The following LRP1B variants were observed in gnomAD, a reference collection of about 807,000 sequenced individuals.
The protein encoded by LRP1B is low-density lipoprotein receptor-related protein 1B.
In LRP1B, 217 loss-of-function variants were observed where a neutral mutation model predicts 556.6. That is an observed-to-expected ratio of 0.39 (90% CI 0.35 to 0.44). LRP1B has a LOEUF of 0.44. LRP1B is among the 20% of genes least tolerant of loss of function. The pLI, the probability that LRP1B is intolerant of heterozygous loss-of-function variation, is 1.00. For synonymous variants in LRP1B, 2,047 were observed against 1,865.8 expected (o/e 1.10, Z -2.50); for missense variants, 5,053 against 5,620.8 (o/e 0.90, Z 3.23).
chr2:140,523,866 A>T (rs1690297360), intron 49 of LRP1B, among the ~76,000 whole-genome samples: 1 of 151,970 alleles, frequency 6.6e-6, no homozygotes, highest in Non-Finnish European at 1.5e-5. Context: ...AACTATAAAA[A>T]TACTGCAAGA....
chr2:140,247,246 G>T, intron 86 of LRP1B, 84 bp from the exon 87 acceptor site: 1 of 898,230 alleles, frequency 1.1e-6, no homozygotes, highest in East Asian at 2.6e-5. Context: ...TTAACCAAAT[G>T]AAAGGTTACA....
intron 7 of LRP1B, among the ~76,000 whole-genome samples, chr2:141,128,726 T>C (rs1701277047): frequency 6.6e-6 from 1 of 152,212 alleles, no homozygotes; most frequent in South Asian, 2.1e-4. Flanking sequence ...GTTCAAGCAG[T>C]TCTCCTACCT....
intron 7 of LRP1B, among the ~76,000 whole-genome samples, chr2:141,174,729 C>T (rs921276071): frequency 6.6e-6 from 1 of 151,968 alleles, no homozygotes; most frequent in Non-Finnish European, 1.5e-5. Context: ...AGGGGCACTG[C>T]TACAAAGATA....
rs771028659 is a variant in LRP1B, at chr2:142,130,659, C to A, written c.71G>T (p.Gly24Val). Reference sequence around the variant, plus strand: ...GGTGTTCTCCTTACCTCGGTCGGCTCCCACGGTCAGCACCCTGGCAATCGG... The same window carrying A: ...GGTGTTCTCCTTACCTCGGTCGGCTACCACGGTCAGCACCCTGGCAATCGG... ...LLPIARVLTVGADRDQQLCDP... is the reference protein window; with the variant it reads ...LLPIARVLTVVADRDQQLCDP... Residue 24 changes from glycine (G) to valine (V), a missense_variant, in exon 1 of 91, where the codon GGA (glycine) becomes GTA (valine). Gly to Val is a moderately radical substitution (Grantham distance 109). Transcript: ENST00000389484. 2 of 1,612,038 alleles carry A rather than the reference C, an allele frequency of 1.2e-6. No homozygotes were observed. The highest frequency in any genetic ancestry group is 2.7e-5 in the African/African-American group (2 of 74,866).
intron 2 of LRP1B, among the ~76,000 whole-genome samples, chr2:141,677,914 T>C (rs1272623566): frequency 3.3e-5 from 5 of 152,268 alleles, no homozygotes; most frequent in African/African-American, 1.2e-4. Flanking sequence ...CAGAGAGGTA[T>C]ATATGAATGC....
intron 2 of LRP1B, among the ~76,000 whole-genome samples, chr2:141,692,589 G>A (rs923169979): frequency 2.0e-5 from 3 of 151,948 alleles, no homozygotes; most frequent in South Asian, 2.1e-4. Flanking sequence ...TTAACCTACC[G>A]CAGTAGTTTT....
intron 1 of LRP1B, among the ~76,000 whole-genome samples, chr2:142,002,423 T>C (rs1702681850): frequency 6.6e-6 from 1 of 152,022 alleles, no homozygotes; most frequent in Non-Finnish European, 1.5e-5. Context: ...GACACATCTC[T>C]AAACTAATGA....
At chr2:141,337,030 G>A (rs146946872) in intron 3 of LRP1B, among the ~76,000 whole-genome samples, 1,778 of 152,136 alleles carry the variant, frequency 0.012, 23 homozygotes, top group Middle Eastern at 0.02. Flanking sequence ...GTAAACAAAA[G>A]TTTTATTTTT....
intron 55 of LRP1B, among the ~76,000 whole-genome samples, chr2:140,496,791 G>T (rs1419853017): frequency 6.6e-6 from 1 of 151,986 alleles, no homozygotes; most frequent in Non-Finnish European, 1.5e-5. Flanking sequence ...AAAGGAAATT[G>T]TAAGTATTGA....
At chr2:141,286,084 AAAAAT>A (rs1198128830) in intron 3 of LRP1B, among the ~76,000 whole-genome samples, 1 of 151,402 alleles carries the variant, frequency 6.6e-6, no homozygotes, top group African/African-American at 2.4e-5. Context: ...AAAAAAAAAA[AAAAAT>A]GTTCAATACC....
At chr2:140,940,785 C>T (rs1468231765) in intron 20 of LRP1B, among the ~76,000 whole-genome samples, 2 of 152,102 alleles carry the variant, frequency 1.3e-5, no homozygotes, top group African/African-American at 4.8e-5. Flanking sequence ...GGTATATACT[C>T]AGTATTGGGA....
At chr2:141,044,215 G>A (rs4589694) in intron 11 of LRP1B, among the ~76,000 whole-genome samples, 12,536 of 149,242 alleles carry the variant, frequency 0.084, 653 homozygotes, top group African/African-American at 0.12. Context: ...CTGGCTAGCC[G>A]TATGTAGAAA....
At chr2:141,134,443 A>G (rs1329407667) in intron 7 of LRP1B, among the ~76,000 whole-genome samples, 1 of 151,702 alleles carries the variant, frequency 6.6e-6, no homozygotes, top group African/African-American at 2.4e-5. Context: ...CTTTTCTCTC[A>G]TTTCTGTGCA....
At chr2:141,968,145 G>A (rs1701614165) in intron 1 of LRP1B, among the ~76,000 whole-genome samples, 1 of 151,766 alleles carries the variant, frequency 6.6e-6, no homozygotes, top group South Asian at 2.1e-4. Flanking sequence ...TGCTAAATGT[G>A]CAGCATTACT....
At chr2:140,466,745 G>GA (rs1273458236) in intron 60 of LRP1B, among the ~76,000 whole-genome samples, 1 of 151,956 alleles carries the variant, frequency 6.6e-6, no homozygotes, top group Non-Finnish European at 1.5e-5. Context: ...AGAGTATCCT[G>GA]AAAAAAACAA....
intron 86 of LRP1B, among the ~76,000 whole-genome samples, chr2:140,261,535 AAC>A (rs1485475835): frequency 6.6e-6 from 1 of 151,812 alleles, no homozygotes; most frequent in Non-Finnish European, 1.5e-5. Context: ...TGAACAAATA[AAC>A]ACACCTAATT....
chr2:141,334,947 C>A (rs1687791463), intron 3 of LRP1B, among the ~76,000 whole-genome samples: 1 of 152,184 alleles, frequency 6.6e-6, no homozygotes, highest in Non-Finnish European at 1.5e-5. Flanking sequence ...AAATTTATAT[C>A]TCCATGAGAG....
intron 37 of LRP1B, 131 bp downstream of exon 37, chr2:140,715,842 T>G (rs1192169964): frequency 3.7e-6 from 2 of 534,824 alleles, no homozygotes; most frequent in African/African-American, 2.8e-5. Context: ...AATATAAACA[T>G]TTTTTTCTGC....
At chr2:141,142,782 A>G (rs1701686313) in intron 7 of LRP1B, among the ~76,000 whole-genome samples, 1 of 151,652 alleles carries the variant, frequency 6.6e-6, no homozygotes, top group Non-Finnish European at 1.5e-5. Context: ...TTACTTATAA[A>G]TAAACTGTTG....
Sources: allele counts gnomAD v4.1 joint callset (sites outside exome capture counted in the v4.1 genomes callset), GRCh38; gene constraint gnomAD v4.1.1; transcripts MANE v1.5; gene names NCBI Gene and HGNC (gene_info 2026-07-23, HGNC 2026-07-21).